The following FBXL20 variants were observed in gnomAD, a reference collection of about 807,000 sequenced individuals.
The protein encoded by FBXL20 is F-box and leucine rich repeat protein 20, also known as F-box/LRR-repeat protein 20.
A neutral mutation model predicts 64.0 loss-of-function variants in FBXL20; 11 were observed. The ratio of observed to expected loss-of-function variants is 0.17; its 90% CI spans 0.11 to 0.28. FBXL20 has a LOEUF of 0.28. Among genes scored for constraint, FBXL20 ranks in the 10% least tolerant of loss-of-function variants. The pLI is 1.00. For missense variants in FBXL20, 303 were observed against 526.2 expected (o/e 0.58, Z 4.15); for synonymous variants, 184 against 189.0 (o/e 0.97, Z 0.22).
intron 2 of FBXL20, among the ~76,000 whole-genome samples, chr17:39,336,318 T>C (rs1445526765): frequency 6.6e-6 from 1 of 152,214 alleles, no homozygotes; most frequent in African/African-American, 2.4e-5. Flanking sequence ...AACCAAATGT[T>C]GTATATTTAT....
intron 12 of FBXL20, among the ~76,000 whole-genome samples, chr17:39,267,637 G>C (rs1055208037): frequency 6.6e-6 from 1 of 152,210 alleles, no homozygotes; most frequent in African/African-American, 2.4e-5. Context: ...AGAATATTCA[G>C]GTAGGAAGAA....
intron 1 of FBXL20, among the ~76,000 whole-genome samples, chr17:39,371,150 G>A (rs1308899762): frequency 3.3e-5 from 5 of 152,134 alleles, no homozygotes; most frequent in South Asian, 2.1e-4. Flanking sequence ...CCTGGGAGGC[G>A]GAGGTTGTGG....
intron 2 of FBXL20, among the ~76,000 whole-genome samples, chr17:39,312,630 G>T (rs1302633002): frequency 7.9e-6 from 1 of 125,918 alleles, no homozygotes; most frequent in African/African-American, 3.2e-5. Flanking sequence ...CTGGAGTGCA[G>T]TGGCACAAGC....
At chr17:39,322,612 T>A (rs1567879562) in intron 2 of FBXL20, among the ~76,000 whole-genome samples, 1 of 152,294 alleles carries the variant, frequency 6.6e-6, no homozygotes, top group Admixed American at 6.5e-5. Context: ...CTTGTCCAGA[T>A]GCTCAAGCAC....
chr17:39,384,236 A>G (rs1001224795), intron 1 of FBXL20, among the ~76,000 whole-genome samples: 2 of 152,118 alleles, frequency 1.3e-5, no homozygotes, highest in Non-Finnish European at 2.9e-5. Context: ...CCTCCTCAAA[A>G]AAATAAATAG....
chr17:39,339,275 C>T (rs2047559006), intron 2 of FBXL20, among the ~76,000 whole-genome samples: 1 of 151,816 alleles, frequency 6.6e-6, no homozygotes, highest in South Asian at 2.1e-4. Flanking sequence ...TTAAGAGTAG[C>T]CTGGGTAACA....
intron 1 of FBXL20, among the ~76,000 whole-genome samples, chr17:39,343,596 G>C (rs773847453): frequency 1.3e-5 from 2 of 152,056 alleles, no homozygotes; most frequent in Non-Finnish European, 2.9e-5. Flanking sequence ...TCCGGGCGCA[G>C]CAACTCACAC....
Position 39,401,486 on chromosome 17 carries a change from G to C in FBXL20, c.-84C>G, listed in dbSNP as rs1019802838. On this transcript the variant is annotated 5_prime_UTR_variant, in exon 1 of 15. Coordinates refer to ENST00000264658, the MANE Select transcript of FBXL20 (RefSeq NM_032875.3). ...GGCCCAGGACAGGCCCGGGAGTTCC[G>C]GGACGGGGACTGGGCGCCGGAGGGG... 2 of 1,517,768 alleles carry C rather than the reference G, an allele frequency of 1.3e-6. No homozygotes were observed. The highest frequency in any genetic ancestry group is 1.4e-5 in the African/African-American group (1 of 70,868). 94.0% of individuals were successfully genotyped at this position (1,517,768 alleles called of 1,614,324 possible). A position where few individuals can be genotyped will look rare whatever the true frequency, so the allele number is the denominator to read the frequency against.
At chr17:39,390,929 C>A (rs1252492996) in intron 1 of FBXL20, among the ~76,000 whole-genome samples, 1 of 152,046 alleles carries the variant, frequency 6.6e-6, no homozygotes, top group Non-Finnish European at 1.5e-5. Flanking sequence ...CGCCTGTAAT[C>A]CCAGCTACTT....
intron 2 of FBXL20, among the ~76,000 whole-genome samples, chr17:39,306,932 G>C (rs2047188598): frequency 6.6e-6 from 1 of 152,182 alleles, no homozygotes; most frequent in Admixed American, 6.5e-5. Flanking sequence ...ATCTCAGCAA[G>C]ACACCAGCAA....
chr17:39,401,826 C>T, upstream of FBXL20: 2 of 617,978 alleles, frequency 3.2e-6, no homozygotes, highest in Non-Finnish European at 4.3e-6. Flanking sequence ...AGCCGGTGCG[C>T]GGCGGCGGCA....
intron 1 of FBXL20, among the ~76,000 whole-genome samples, chr17:39,361,722 G>T (rs1042712937): frequency 1.3e-5 from 2 of 152,076 alleles, no homozygotes; most frequent in African/African-American, 2.4e-5. Flanking sequence ...GCTTGAACCT[G>T]GGAGGCGGAG....
intron 1 of FBXL20, among the ~76,000 whole-genome samples, chr17:39,355,145 G>C (rs1368100660): frequency 2.0e-5 from 3 of 152,144 alleles, no homozygotes; most frequent in Non-Finnish European, 2.9e-5. Context: ...TGGTCAGGCT[G>C]GTCTCTTAAC....
intron 2 of FBXL20, among the ~76,000 whole-genome samples, chr17:39,323,804 G>A (rs910134743): frequency 2.0e-4 from 30 of 148,294 alleles, no homozygotes; most frequent in Non-Finnish European, 4.0e-4. Flanking sequence ...GATGGGTCTC[G>A]CTCTGTCGCC....
chr17:39,398,468 AATTG>A (rs1303185984), intron 1 of FBXL20, among the ~76,000 whole-genome samples: 2 of 152,224 alleles, frequency 1.3e-5, no homozygotes, highest in East Asian at 3.8e-4. Flanking sequence ...GGTAAGTTTT[AATTG>A]ATTAACACAA....
chr17:39,323,459 G>C (rs1839679274), intron 2 of FBXL20, among the ~76,000 whole-genome samples: 1 of 152,190 alleles, frequency 6.6e-6, no homozygotes, highest in East Asian at 1.9e-4. Context: ...CATAATGTGT[G>C]ACCTGAAAAT....
intron 1 of FBXL20, among the ~76,000 whole-genome samples, chr17:39,371,953 A>G (rs988732418): frequency 2.6e-5 from 4 of 152,124 alleles, no homozygotes; most frequent in Non-Finnish European, 5.9e-5. Flanking sequence ...GTCAGCCTCC[A>G]TCTTATCCCT....
Position 39,256,514 on chromosome 17 carries a change from T to A in FBXL20, c.*4946A>T, listed in dbSNP as rs2046697155. 6.6e-6 allele frequency: 1 copy of A among 152,080 alleles called. No individual in the cohort carries two copies. Among genetic ancestry groups the A allele is most frequent in the South Asian group, 2.1e-4 (1 of 4,826 alleles). 9.4% of individuals were successfully genotyped at this position (152,080 alleles called of 1,614,324 possible). On this transcript the variant is annotated 3_prime_UTR_variant, in exon 15 of 15. Coordinates refer to ENST00000264658, the MANE Select transcript of FBXL20 (RefSeq NM_032875.3). ...CTTGGCTAATTCACAGTGCCTGGGTTTGAGGTGGCTAAAGATTCTAGGATT... is the reference window on the plus strand; with the variant it reads ...CTTGGCTAATTCACAGTGCCTGGGTATGAGGTGGCTAAAGATTCTAGGATT...
chr17:39,283,045 G>T (rs1439107238), intron 7 of FBXL20, among the ~76,000 whole-genome samples, 190 bp from the exon 8 acceptor site: 2 of 152,106 alleles, frequency 1.3e-5, no homozygotes, highest in Non-Finnish European at 2.9e-5. Context: ...ACCATTAGCA[G>T]GAACATCTAA....
Sources: allele counts gnomAD v4.1 joint callset (sites outside exome capture counted in the v4.1 genomes callset), GRCh38; gene constraint gnomAD v4.1.1; transcripts MANE v1.5; gene names NCBI Gene and HGNC (gene_info 2026-07-23, HGNC 2026-07-21).